The following CAAP1 variants were observed in gnomAD, a reference collection of about 807,000 sequenced individuals.
The protein encoded by CAAP1 is caspase activity and apoptosis inhibitor 1.
In CAAP1, 20 loss-of-function variants were observed where a neutral mutation model predicts 34.0. That is an observed-to-expected ratio of 0.59 (90% CI 0.41 to 0.86). CAAP1 has a LOEUF of 0.86. CAAP1 is among the 40% of genes least tolerant of loss of function. The pLI is 0.00. For synonymous variants in CAAP1, 213 were observed against 166.7 expected (o/e 1.28, Z -2.14); for missense variants, 538 against 450.5 (o/e 1.19, Z -1.76).
chr9:26,870,610 G>A (rs544655734), intron 4 of CAAP1, among the ~76,000 whole-genome samples: 3 of 138,902 alleles, frequency 2.2e-5, no homozygotes, highest in Admixed American at 7.2e-5. Context: ...GTGTGTGTGT[G>A]TATACATATA....
chr9:26,852,789 A>T (rs565414667), intron 5 of CAAP1, among the ~76,000 whole-genome samples: 10 of 152,246 alleles, frequency 6.6e-5, no homozygotes, highest in African/African-American at 2.4e-4. Flanking sequence ...TAGAAGGTTT[A>T]CGAGCTCTGG....
chr9:26,874,156 T>G (rs761413282), intron 4 of CAAP1, among the ~76,000 whole-genome samples: 6 of 123,072 alleles, frequency 4.9e-5, no homozygotes, highest in Admixed American at 2.3e-4. Flanking sequence ...GCAGTGAGCC[T>G]AGATCACACC....
chr9:26,871,531 C>T (rs1018295631), intron 4 of CAAP1, among the ~76,000 whole-genome samples: 8 of 150,260 alleles, frequency 5.3e-5, no homozygotes, highest in East Asian at 2.0e-4. Context: ...GAGCCAAGAT[C>T]GTGCCACTGC....
chr9:26,885,609 G>A (rs1353301978), intron 3 of CAAP1, among the ~76,000 whole-genome samples: 3 of 152,032 alleles, frequency 2.0e-5, no homozygotes, highest in South Asian at 2.1e-4. Context: ...AAAAATGCCT[G>A]ATAATCCAAA....
intron 4 of CAAP1, 99 bp from the exon 5 acceptor site, chr9:26,861,238 G>C (rs1822997258): frequency 2.5e-6 from 2 of 787,286 alleles, no homozygotes; most frequent in Non-Finnish European, 4.3e-6. Flanking sequence ...AGGGAAGACA[G>C]GCTACATTCT....
intron 4 of CAAP1, among the ~76,000 whole-genome samples, chr9:26,884,244 T>C (rs1042396754): frequency 6.6e-6 from 1 of 152,162 alleles, no homozygotes; most frequent in Non-Finnish European, 1.5e-5. Context: ...AGTGCACTAA[T>C]GAAGAAAAAA....
At chr9:26,857,430 G>A (rs768259108) in intron 5 of CAAP1, among the ~76,000 whole-genome samples, 1 of 152,160 alleles carries the variant, frequency 6.6e-6, no homozygotes, top group Non-Finnish European at 1.5e-5. Context: ...TAGGGAGTTC[G>A]GGACTAGCCT....
chr9:26,845,058 T>C (rs764842077), intron 5 of CAAP1, among the ~76,000 whole-genome samples: 18 of 152,258 alleles, frequency 1.2e-4, no homozygotes, highest in Non-Finnish European at 2.5e-4. Flanking sequence ...TATCAGATCA[T>C]AGTGATCACT....
chr9:26,841,072 A>G lies in CAAP1; in HGVS notation c.*1229T>C. The G allele has an allele frequency of 6.6e-6, 1 of 152,186 alleles. No homozygotes were observed. Among genetic ancestry groups the G allele is most frequent in the East Asian group, 1.9e-4 (1 of 5,188 alleles). 9.4% of individuals were successfully genotyped at this position (152,186 alleles called of 1,614,324 possible). A position where few individuals can be genotyped will look rare whatever the true frequency, so the allele number is the denominator to read the frequency against. ...TAACTGCAATTCCAGCGTTTCATAA[A>G]TGTCCTCTATTTCCATTTAAAAACT... On this transcript the variant is annotated 3_prime_UTR_variant, in exon 6 of 6. Transcript: ENST00000333916.
At position 26,892,468 on chromosome 9, in the gene CAAP1, T is replaced by C; in HGVS notation, c.248A>G (p.Glu83Gly). The C allele has an allele frequency of 6.4e-7, 1 of 1,567,330 alleles. No homozygotes were observed. Among genetic ancestry groups the C allele is most frequent in the Non-Finnish European group, 8.6e-7 (1 of 1,157,348 alleles). Residue 83 changes from glutamate (E) to glycine (G), a missense_variant, in exon 1 of 6, where the codon GAG (glutamate) becomes GGG (glycine). Physicochemically the swap from Glu to Gly is moderately conservative, Grantham distance 98 (BLOSUM62 -2). Around this residue, in one of 3 missense-constraint regions of CAAP1, gnomAD observed 514 missense variants for 408.4 expected, o/e 1.26. Coordinates refer to ENST00000333916, the MANE Select transcript of CAAP1 (RefSeq NM_024828.4). Reference sequence around the variant, plus strand: ...GTCGGTACTCCTCCGCTTCCGGCGCTCGCTGCGCTCCACGCTGCTCCCGCC... The same window carrying C: ...GTCGGTACTCCTCCGCTTCCGGCGCCCGCTGCGCTCCACGCTGCTCCCGCC... ...CWGGSSVERSERRKRRSTDSS... is the reference protein window; with the variant it reads ...CWGGSSVERSGRRKRRSTDSS...
At chr9:26,881,906 C>T (rs1243788090) in intron 4 of CAAP1, among the ~76,000 whole-genome samples, 7 of 152,024 alleles carry the variant, frequency 4.6e-5, no homozygotes, top group Non-Finnish European at 8.8e-5. Flanking sequence ...TGGTTCCAGA[C>T]GGAGATGAGA....
chr9:26,845,376 A>ATGATC (rs1204771598), intron 5 of CAAP1, among the ~76,000 whole-genome samples: 2 of 152,162 alleles, frequency 1.3e-5, no homozygotes, highest in African/African-American at 2.4e-5. Flanking sequence ...TTTCCTTAAC[A>ATGATC]TGATCTCCCA....
At chr9:26,884,399 G>C (rs953108668) in intron 4 of CAAP1, among the ~76,000 whole-genome samples, 6 of 152,150 alleles carry the variant, frequency 3.9e-5, no homozygotes, top group Admixed American at 3.9e-4. Context: ...TGTGAAATGA[G>C]GCTATTATTG....
At chr9:26,883,912 C>T (rs1823662345) in intron 4 of CAAP1, among the ~76,000 whole-genome samples, 1 of 152,240 alleles carries the variant, frequency 6.6e-6, no homozygotes, top group South Asian at 2.1e-4. Context: ...ACATTTTCTA[C>T]TCTATGTTTT....
chr9:26,865,314 C>A (rs1823108953), intron 4 of CAAP1, among the ~76,000 whole-genome samples: 1 of 152,094 alleles, frequency 6.6e-6, no homozygotes, highest in South Asian at 2.1e-4. Flanking sequence ...CACCTGAGGT[C>A]AGAGTTTGAG....
chr9:26,845,067 C>T (rs1822566698), intron 5 of CAAP1, among the ~76,000 whole-genome samples: 1 of 152,202 alleles, frequency 6.6e-6, no homozygotes, highest in East Asian at 1.9e-4. Context: ...ATAGTGATCA[C>T]TCTCTGTGAA....
chr9:26,858,523 T>TA (rs755131886), intron 5 of CAAP1, among the ~76,000 whole-genome samples: 5 of 152,130 alleles, frequency 3.3e-5, no homozygotes, highest in Non-Finnish European at 5.9e-5. Flanking sequence ...CCCTGCTTTT[T>TA]AAAAAAAGGT....
At chr9:26,860,747 C>T (rs1234426665) in intron 5 of CAAP1, among the ~76,000 whole-genome samples, 3 of 151,966 alleles carry the variant, frequency 2.0e-5, no homozygotes, top group South Asian at 2.1e-4. Flanking sequence ...GCCAAGATCG[C>T]GCCACTGCAC....
chr9:26,872,422 A>C (rs1431029569), intron 4 of CAAP1, among the ~76,000 whole-genome samples: 1 of 152,122 alleles, frequency 6.6e-6, no homozygotes, highest in African/African-American at 2.4e-5. Context: ...CATGACACCA[A>C]CTTGCTTTTT....
Sources: allele counts gnomAD v4.1 joint callset (sites outside exome capture counted in the v4.1 genomes callset), GRCh38; gene constraint gnomAD v4.1.1; regional missense constraint gnomAD v4.1.1; transcripts MANE v1.5; gene names NCBI Gene and HGNC (gene_info 2026-07-23, HGNC 2026-07-21).